The following PRELID2 variants were observed in gnomAD, a reference collection of about 807,000 sequenced individuals.
PRELID2 encodes the protein PRELI domain containing 2, also known as PRELI domain-containing protein 2.
Under a neutral mutation model 28.4 loss-of-function variants are expected in PRELID2, and 25 were observed. That is an observed-to-expected ratio of 0.88 (90% CI 0.64 to 1.23). The LOEUF (loss-of-function observed/expected upper bound fraction) is 1.23, where lower values mean the gene tolerates loss of function less well. PRELID2 is among the 50% of genes most tolerant of loss of function. PRELID2 has a pLI of 0.00. For missense variants in PRELID2, 201 were observed against 214.4 expected (o/e 0.94, Z 0.39); for synonymous variants, 76 against 71.6 (o/e 1.06, Z -0.31).
At chr5:145,653,436 C>A (rs1464256662) in intron 1 of PRELID2, among the ~76,000 whole-genome samples, 1 of 152,200 alleles carries the variant, frequency 6.6e-6, no homozygotes. Context: ...CCCAAATCAA[C>A]AGAATATACA....
At chr5:145,771,777 C>T (rs111919800) in intron 5 of PRELID2, among the ~76,000 whole-genome samples, 14 of 152,072 alleles carry the variant, frequency 9.2e-5, no homozygotes, top group African/African-American at 3.1e-4. Context: ...ATTGCTTGAA[C>T]GTGGGAGGCG....
chr5:145,410,247 T>C, the PRELID2 span, among the ~76,000 whole-genome samples: 1 of 152,216 alleles, frequency 6.6e-6, no homozygotes, highest in East Asian at 1.9e-4. Flanking sequence ...AGATATTGGC[T>C]TAGGCAAATA....
chr5:145,538,275 C>CTAAA (rs1358335700), intron 1 of PRELID2, among the ~76,000 whole-genome samples: 2 of 151,706 alleles, frequency 1.3e-5, no homozygotes, highest in Non-Finnish European at 2.9e-5. Flanking sequence ...AAAGTCAATT[C>CTAAA]GTGTAATGCC....
intron 1 of PRELID2, among the ~76,000 whole-genome samples, chr5:145,518,120 T>C (rs1752532965): frequency 7.0e-6 from 1 of 143,758 alleles, no homozygotes; most frequent in Middle Eastern, 3.6e-3. Context: ...TGCAAATGTG[T>C]CCCAGAACTT....
At chr5:145,544,916 C>T (rs978286760) in intron 1 of PRELID2, among the ~76,000 whole-genome samples, 2 of 152,032 alleles carry the variant, frequency 1.3e-5, no homozygotes, top group Admixed American at 6.6e-5. Flanking sequence ...ACAAAGTATC[C>T]TCAACAAACT....
chr5:145,355,000 G>A, the PRELID2 span, among the ~76,000 whole-genome samples: 4 of 152,104 alleles, frequency 2.6e-5, no homozygotes, highest in South Asian at 4.1e-4. Flanking sequence ...ATGAAAATTC[G>A]TTCAGTGGCT....
At chr5:145,297,417 A>G in the PRELID2 span, among the ~76,000 whole-genome samples, 2 of 151,808 alleles carry the variant, frequency 1.3e-5, no homozygotes, top group Non-Finnish European at 2.9e-5. Context: ...AAATTCAACA[A>G]CACTTCATGC....
chr5:145,539,210 G>T (rs537491358), intron 1 of PRELID2, among the ~76,000 whole-genome samples: 2 of 152,078 alleles, frequency 1.3e-5, no homozygotes, highest in Admixed American at 6.6e-5. Context: ...CAAAAATGGA[G>T]AATTTATTAC....
intron 1 of PRELID2, among the ~76,000 whole-genome samples, chr5:145,544,032 A>G (rs1752765869): frequency 6.6e-6 from 1 of 152,116 alleles, no homozygotes; most frequent in Admixed American, 6.6e-5. Context: ...TTCTACCACA[A>G]GTTAAAACCT....
chr5:145,564,380 T>C (rs1752947859), intron 1 of PRELID2, among the ~76,000 whole-genome samples: 1 of 152,198 alleles, frequency 6.6e-6, no homozygotes, highest in Non-Finnish European at 1.5e-5. Context: ...CCAGCCACTC[T>C]GGTTTTCTTT....
intron 1 of PRELID2, among the ~76,000 whole-genome samples, chr5:145,628,551 T>G (rs1425236178): frequency 2.6e-5 from 4 of 152,158 alleles, no homozygotes; most frequent in African/African-American, 9.7e-5. Flanking sequence ...TTTGAACTCC[T>G]GATCTCAGGC....
the PRELID2 span, among the ~76,000 whole-genome samples, chr5:145,383,900 G>A: frequency 6.6e-6 from 1 of 151,940 alleles, no homozygotes; most frequent in Non-Finnish European, 1.5e-5. Flanking sequence ...ATATATATGT[G>A]TGTGTGTATA....
chr5:145,287,300 AT>A, the PRELID2 span, among the ~76,000 whole-genome samples: 1 of 152,168 alleles, frequency 6.6e-6, no homozygotes, highest in Admixed American at 6.5e-5. Context: ...ATAAAATAGA[AT>A]AGGATAATTA....
intron 1 of PRELID2, among the ~76,000 whole-genome samples, chr5:145,483,220 T>A (rs1752178786): frequency 6.6e-6 from 1 of 152,140 alleles, no homozygotes; most frequent in Admixed American, 6.6e-5. Flanking sequence ...GTTTCCCACC[T>A]CATGAATCTG....
chr5:145,276,403 TG>T, the PRELID2 span, among the ~76,000 whole-genome samples: 1 of 152,138 alleles, frequency 6.6e-6, no homozygotes, highest in African/African-American at 2.4e-5. Context: ...TGTACATATT[TG>T]ACAAAAGAAT....
chr5:145,827,264 T>C (rs1204389140), intron 1 of PRELID2, among the ~76,000 whole-genome samples: 1 of 152,196 alleles, frequency 6.6e-6, no homozygotes, highest in Non-Finnish European at 1.5e-5. Context: ...GCCAAATTCC[T>C]TTTATGAGCT....
intron 1 of PRELID2, among the ~76,000 whole-genome samples, chr5:145,636,173 T>C (rs550988914): frequency 2.6e-4 from 40 of 152,346 alleles, no homozygotes; most frequent in Middle Eastern, 6.8e-3. Context: ...ATGGGTGCTA[T>C]TGTTATACCC....
At chr5:145,595,480 C>T (rs772634659) in intron 1 of PRELID2, among the ~76,000 whole-genome samples, 2 of 152,144 alleles carry the variant, frequency 1.3e-5, no homozygotes, top group Non-Finnish European at 2.9e-5. Context: ...TTTGCCAGTT[C>T]TATACATTCA....
chr5:145,246,541 TTTCC>T, the PRELID2 span, among the ~76,000 whole-genome samples: 46 of 151,738 alleles, frequency 3.0e-4, no homozygotes, highest in African/African-American at 8.4e-4. Context: ...AATTATATTC[TTTCC>T]TTCCTTCCTT....
Sources: allele counts gnomAD v4.1 joint callset (sites outside exome capture counted in the v4.1 genomes callset), GRCh38; gene constraint gnomAD v4.1.1; transcripts MANE v1.5; gene names NCBI Gene and HGNC (gene_info 2026-07-23, HGNC 2026-07-21).